The following PDZD2 variants were observed in gnomAD, a reference collection of about 807,000 sequenced individuals.
PDZD2 encodes the protein PDZ domain containing 2.
Under a neutral mutation model 220.7 loss-of-function variants are expected in PDZD2, and 90 were observed. That is an observed-to-expected ratio of 0.41 (90% CI 0.34 to 0.49). The LOEUF (loss-of-function observed/expected upper bound fraction) is 0.49. Ranked by LOEUF, PDZD2 falls within the 20% of genes least tolerant of loss-of-function variation. PDZD2 has a pLI of 0.28. For synonymous variants in PDZD2, 1,375 were observed against 1,450.5 expected, an observed-to-expected ratio of 0.95 and a Z score of 1.18; for missense variants, 3,174 against 3,608.5, an observed-to-expected ratio of 0.88 and a Z score of 3.08.
chr5:31,885,406 C>T (rs1580991357), intron 2 of PDZD2, among the ~76,000 whole-genome samples: 1 of 152,064 alleles, frequency 6.6e-6, no homozygotes, highest in East Asian at 1.9e-4. Context: ...TAAAATTGTA[C>T]ATATTCTTTG....
Position 32,089,492 on chromosome 5 carries a change from C to T in PDZD2, c.6044C>T (p.Thr2015Ile). Reference protein sequence around the residue: ...VLSEPDRGCPTTPKSPKCRAE... With the variant: ...VLSEPDRGCPITPKSPKCRAE... ...TCTGAACCCGACAGAGGTTGCCCAA[C>T]CACCCCTAAATCTCCTAAGTGTAGA... is the stretch of plus-strand genomic sequence containing the variant. Residue 2015 changes from threonine to isoleucine, a missense_variant, in exon 20 of 25, where the codon ACC becomes ATC. By Grantham distance (89) the Thr-to-Ile change is moderately conservative. This residue lies in a region of PDZD2 where 1,861 missense variants were observed against 2,001.0 expected (regional missense o/e 0.93). Coordinates refer to ENST00000438447, the MANE Select transcript of PDZD2 (RefSeq NM_178140.4). 1 of 1,613,326 alleles carries T rather than the reference C, an allele frequency of 6.2e-7. No individual in the cohort carries two copies. The highest frequency in any genetic ancestry group is 8.5e-7 in the Non-Finnish European group (1 of 1,180,010).
intron 6 of PDZD2, among the ~76,000 whole-genome samples, chr5:32,013,322 C>CTTTTTTTTTTTTTTTTTT (rs11428109): frequency 7.4e-6 from 1 of 135,830 alleles, no homozygotes; most frequent in Non-Finnish European, 1.6e-5. Context: ...TCTGTGTTAT[C>CTTTTTTTTTTTTTTTTTT]TTTTTTTTTT....
At chr5:31,679,655 G>A (rs956065173) in intron 1 of PDZD2, among the ~76,000 whole-genome samples, 1 of 152,074 alleles carries the variant, frequency 6.6e-6, no homozygotes, top group Non-Finnish European at 1.5e-5. Context: ...TTACAGATGT[G>A]CACCACCACG....
chr5:31,776,209 C>A (rs574203048), intron 1 of PDZD2, among the ~76,000 whole-genome samples: 73 of 152,266 alleles, frequency 4.8e-4, no homozygotes, highest in Non-Finnish European at 7.1e-4. Context: ...CTTCTCTATC[C>A]CCTTCCCCAC....
rs1180843218 is a variant in PDZD2, at chr5:31,849,933, CACAT to C, written c.476+50211_476+50214del. On this transcript the variant is annotated intron_variant, in intron 2 of 24. Transcript: ENST00000438447. ...ATATATATATACATATATATATATA[CACAT>C]ATATATATATACATATATATATATA... 4.0e-4 allele frequency among the ~76,000 whole-genome samples: 5 copies of C among 12,476 alleles called. 1 individual carries two copies. The highest frequency in any genetic ancestry group is 5.8e-4 in the Non-Finnish European group (4 of 6,948). The allele number at this position is 12,476 out of a possible 152,430, so 8.2% of individuals were successfully genotyped here.
intron 2 of PDZD2, among the ~76,000 whole-genome samples, chr5:31,938,934 CTT>C (rs1745992743): frequency 6.6e-6 from 1 of 152,132 alleles, no homozygotes; most frequent in Non-Finnish European, 1.5e-5. Context: ...GTGTAAGTAG[CTT>C]TTTGTCCATT....
rs143472969 is a variant in PDZD2, at chr5:31,753,699, G to A, written c.-360-45190G>A. 1.2e-4 allele frequency among the ~76,000 whole-genome samples: 19 copies of A among 152,310 alleles called. No homozygotes were observed. The East Asian group carries it at 3.5e-3, about 28-fold the overall frequency. On this transcript the variant is annotated intron_variant, in intron 1 of 24. Transcript: ENST00000438447. ...GATAATAGATTTTTCGAGAGAGGCT[G>A]CAAATTAAGTCTTTTTGCGTGGACA...
At chr5:31,802,148 C>T (rs1478937648) in intron 2 of PDZD2, among the ~76,000 whole-genome samples, 1 of 152,096 alleles carries the variant, frequency 6.6e-6, no homozygotes, top group African/African-American at 2.4e-5. Flanking sequence ...TTTGGGATTC[C>T]AGGTTCTCTC....
chr5:31,751,273 A>T (rs1248174364), intron 1 of PDZD2, among the ~76,000 whole-genome samples: 5 of 150,686 alleles, frequency 3.3e-5, no homozygotes, highest in Non-Finnish European at 7.4e-5. Flanking sequence ...TGGCATGATT[A>T]AATTGACCGT....
chr5:32,042,851 T>G (rs575460762), intron 7 of PDZD2, among the ~76,000 whole-genome samples: 78 of 152,272 alleles, frequency 5.1e-4, no homozygotes, highest in Non-Finnish European at 9.1e-4. Flanking sequence ...TTGTCCATCT[T>G]GGCAGAGTTG....
chr5:31,913,069 A>T (rs1743346443), intron 2 of PDZD2, among the ~76,000 whole-genome samples: 1 of 152,184 alleles, frequency 6.6e-6, no homozygotes, highest in Non-Finnish European at 1.5e-5. Flanking sequence ...AATACTGTTG[A>T]TTAGAAGAAT....
At chr5:31,999,263 G>GA (rs1554021717) in intron 4 of PDZD2, among the ~76,000 whole-genome samples, 1 of 140,036 alleles carries the variant, frequency 7.1e-6, no homozygotes, top group Non-Finnish European at 1.5e-5. Context: ...TTTTGGGGGG[G>GA]GCGGGTGGCG....
rs147974522 is a variant in PDZD2, at chr5:31,884,259, A to C, written c.476+84535A>C. Among the ~76,000 whole-genome samples, 6 of 151,680 alleles carry C rather than the reference A, an allele frequency of 4.0e-5. 1 individual carries two copies. Among genetic ancestry groups the C allele is most frequent in the South Asian group, 4.2e-4 (2 of 4,804 alleles). On this transcript the variant is annotated intron_variant, in intron 2 of 24. Coordinates refer to ENST00000438447, the MANE Select transcript of PDZD2 (RefSeq NM_178140.4). ...TACATACATACATACATACATACATACATCCTGGGTTGGGTTCACAGACAC... is the reference window on the plus strand; with the variant it reads ...TACATACATACATACATACATACATCCATCCTGGGTTGGGTTCACAGACAC...
chr5:31,802,073 G>A (rs1318900), intron 2 of PDZD2, among the ~76,000 whole-genome samples: 105,531 of 152,016 alleles, frequency 0.69, 38,101 homozygotes, highest in African/African-American at 0.9. Flanking sequence ...ACATAGAACT[G>A]GAATCTTTAT....
chr5:32,077,864 G>A, intron 19 of PDZD2: 1 of 391,208 alleles, frequency 2.6e-6, no homozygotes, highest in Non-Finnish European at 4.9e-6. Flanking sequence ...GGCTGAGGCA[G>A]GAGAATCGCT....
Position 32,093,127 on chromosome 5 carries a change from T to C in PDZD2, c.7845+103T>C, listed in dbSNP as rs542941335. 1.6e-5 allele frequency: 11 copies of C among 677,234 alleles called. 1 individual carries two copies. Among genetic ancestry groups the C allele is most frequent in the South Asian group, 1.3e-4 (7 of 54,756 alleles). 42.0% of individuals were successfully genotyped at this position (677,234 alleles called of 1,614,324 possible). A position where few individuals can be genotyped will look rare whatever the true frequency, so the allele number is the denominator to read the frequency against. On this transcript the variant is annotated intron_variant, in intron 21 of 24. Coordinates refer to ENST00000438447, the MANE Select transcript of PDZD2 (RefSeq NM_178140.4). Reference sequence around the variant, plus strand: ...GCCGAGGAGAGCCCGCCCCGAGTCCTGGAGAGGGAGGACTGCCTTGGGTTG... The same window carrying C: ...GCCGAGGAGAGCCCGCCCCGAGTCCCGGAGAGGGAGGACTGCCTTGGGTTG...
chr5:32,014,168 A>G (rs1437532847), intron 6 of PDZD2, among the ~76,000 whole-genome samples: 1 of 152,238 alleles, frequency 6.6e-6, no homozygotes, highest in African/African-American at 2.4e-5. Flanking sequence ...AGTTACAAAA[A>G]GCCTTTTAGT....
intron 2 of PDZD2, among the ~76,000 whole-genome samples, chr5:31,850,064 G>T (rs1412328670): frequency 3.9e-5 from 5 of 128,816 alleles, no homozygotes; most frequent in African/African-American, 1.4e-4. Context: ...GTATATATAA[G>T]TATATATATG....
At chr5:31,704,833 C>T (rs1415966839) in intron 1 of PDZD2, among the ~76,000 whole-genome samples, 2 of 152,128 alleles carry the variant, frequency 1.3e-5, no homozygotes, top group African/African-American at 2.4e-5. Context: ...CACATTACTT[C>T]GGCTCTTACA....
Sources: gnomAD v4.1 joint callset for allele counts (sites outside exome capture counted in the v4.1 genomes callset) on GRCh38, gnomAD v4.1.1 for gene constraint, gnomAD v4.1.1 regional missense constraint, MANE v1.5 for transcripts, NCBI Gene and HGNC (gene_info 2026-07-23, HGNC 2026-07-21) for gene names.